DPP10: variants seen among roughly 807,000 people sequenced by gnomAD.
DPP10 encodes the protein inactive dipeptidyl peptidase 10.
DPP10 carries 33 observed loss-of-function variants against 120.9 expected under a neutral mutation model. The observed-to-expected ratio is 0.27, with a 90% CI of 0.21 to 0.37. The LOEUF (loss-of-function observed/expected upper bound fraction) is 0.37. DPP10 is among the 10% of genes least tolerant of loss of function. The pLI, the probability that DPP10 is intolerant of heterozygous loss-of-function variation, is 1.00. For synonymous variants in DPP10, 337 were observed against 326.1 expected, an observed-to-expected ratio of 1.03 and a Z score of -0.36; for missense variants, 816 against 942.8, an observed-to-expected ratio of 0.87 and a Z score of 1.76.
At chr2:115,356,008 CT>C (rs2064358454) in intron 3 of DPP10, among the ~76,000 whole-genome samples, 1 of 152,032 alleles carries the variant, frequency 6.6e-6, no homozygotes, top group Non-Finnish European at 1.5e-5. Context: ...CAGCTTTGTT[CT>C]TTTTGTTTAG....
intron 1 of DPP10, among the ~76,000 whole-genome samples, chr2:115,268,308 A>G (rs551399079): frequency 6.6e-6 from 1 of 152,300 alleles, no homozygotes; most frequent in East Asian, 1.9e-4. Flanking sequence ...AGGCTAATTT[A>G]CTTTCCAAGG....
intron 3 of DPP10, among the ~76,000 whole-genome samples, chr2:115,491,452 G>T (rs1360038084): frequency 6.6e-6 from 1 of 152,120 alleles, no homozygotes; most frequent in Non-Finnish European, 1.5e-5. Context: ...TACAGACTGT[G>T]AGTATATATT....
At chr2:115,710,416 A>G (rs772071212) in intron 7 of DPP10, among the ~76,000 whole-genome samples, 5 of 152,122 alleles carry the variant, frequency 3.3e-5, no homozygotes, top group African/African-American at 1.2e-4. Flanking sequence ...TAACATTTCT[A>G]TGTTTTACAT....
At chr2:115,383,470 C>T (rs1198458519) in intron 3 of DPP10, among the ~76,000 whole-genome samples, 1 of 152,198 alleles carries the variant, frequency 6.6e-6, no homozygotes, top group East Asian at 1.9e-4. Context: ...ATGCCTTTAT[C>T]AGCAGCATGA....
intron 1 of DPP10, among the ~76,000 whole-genome samples, chr2:114,775,885 A>C (rs1408176855): frequency 1.3e-5 from 2 of 152,154 alleles, no homozygotes; most frequent in East Asian, 3.9e-4. Flanking sequence ...CCTACGTCTC[A>C]AGGAACTATC....
chr2:114,713,937 A>G (rs2105877282), intron 1 of DPP10, among the ~76,000 whole-genome samples: 1 of 151,818 alleles, frequency 6.6e-6, no homozygotes, highest in Middle Eastern at 3.4e-3. Context: ...GTGAGCCGAG[A>G]TCGCACCATT....
intron 1 of DPP10, among the ~76,000 whole-genome samples, chr2:115,027,737 G>T (rs978647056): frequency 1.3e-5 from 2 of 152,008 alleles, no homozygotes; most frequent in Admixed American, 6.6e-5. Flanking sequence ...AGAACATCAG[G>T]TCCTAGGCTC....
chr2:115,347,577 C>T (rs1364367535), intron 3 of DPP10, among the ~76,000 whole-genome samples: 3 of 152,044 alleles, frequency 2.0e-5, no homozygotes, highest in Non-Finnish European at 4.4e-5. Flanking sequence ...TGGTTTGCTG[C>T]ACCCATCGTC....
chr2:115,817,679 GTT>G (rs74265875), intron 21 of DPP10, among the ~76,000 whole-genome samples: 4 of 148,524 alleles, frequency 2.7e-5, no homozygotes, highest in Admixed American at 2.0e-4. Flanking sequence ...TTAGTTTTTT[GTT>G]TTTTTTTTTA....
At chr2:114,578,413 G>C (rs1690231370) in intron 1 of DPP10, among the ~76,000 whole-genome samples, 1 of 151,762 alleles carries the variant, frequency 6.6e-6, no homozygotes, top group South Asian at 2.1e-4. Flanking sequence ...ACATTTTTAT[G>C]GTCCATTTCT....
chr2:114,549,729 A>G (rs545901619), intron 1 of DPP10, among the ~76,000 whole-genome samples: 128 of 151,854 alleles, frequency 8.4e-4, no homozygotes, highest in South Asian at 8.3e-3. Context: ...GGGTACAAAC[A>G]GGAAGAGAGA....
intron 5 of DPP10, among the ~76,000 whole-genome samples, chr2:115,548,797 A>G (rs2079680074): frequency 6.6e-6 from 1 of 152,160 alleles, no homozygotes; most frequent in Non-Finnish European, 1.5e-5. Context: ...ATTCGCCTCC[A>G]TCTCAAATAC....
At chr2:115,308,504 T>C (rs2061447876) in intron 1 of DPP10, among the ~76,000 whole-genome samples, 2 of 152,170 alleles carry the variant, frequency 1.3e-5, no homozygotes, top group South Asian at 4.1e-4. Flanking sequence ...CCCACACATA[T>C]CTAGTCAACA....
At chr2:115,137,316 A>C (rs1005455971) in intron 1 of DPP10, among the ~76,000 whole-genome samples, 1 of 152,220 alleles carries the variant, frequency 6.6e-6, no homozygotes, top group African/African-American at 2.4e-5. Flanking sequence ...TTGCTCTAGC[A>C]CATCCATCTG....
At chr2:115,582,489 T>A (rs759440900) in intron 5 of DPP10, among the ~76,000 whole-genome samples, 2 of 152,138 alleles carry the variant, frequency 1.3e-5, no homozygotes, top group Non-Finnish European at 2.9e-5. Flanking sequence ...CAATTATTAT[T>A]TTAGAGCAAG....
intron 1 of DPP10, among the ~76,000 whole-genome samples, chr2:114,823,058 C>G (rs1056149435): frequency 3.3e-5 from 5 of 152,166 alleles, no homozygotes; most frequent in Admixed American, 3.3e-4. Context: ...TTTCAGGTAT[C>G]TTTACAGCAG....
At chr2:115,117,253 G>T (rs2104714832) in intron 1 of DPP10, among the ~76,000 whole-genome samples, 1 of 152,206 alleles carries the variant, frequency 6.6e-6, no homozygotes, top group Middle Eastern at 3.4e-3. Flanking sequence ...ATGATATGTG[G>T]TTTTATCATT....
chr2:115,682,605 T>C (rs1321211829), intron 5 of DPP10, among the ~76,000 whole-genome samples: 1 of 151,840 alleles, frequency 6.6e-6, no homozygotes, highest in Non-Finnish European at 1.5e-5. Flanking sequence ...TTTGGGGTAA[T>C]AAAGTATAAT....
chr2:115,367,217 T>A (rs2065132350), intron 3 of DPP10, among the ~76,000 whole-genome samples: 2 of 151,528 alleles, frequency 1.3e-5, no homozygotes, highest in Non-Finnish European at 1.5e-5. Context: ...TGGCATAGAG[T>A]TTTTTTTATT....
Sources: gnomAD v4.1 joint callset for allele counts (sites outside exome capture counted in the v4.1 genomes callset) on GRCh38, gnomAD v4.1.1 for gene constraint, MANE v1.5 for transcripts, NCBI Gene and HGNC (gene_info 2026-07-23, HGNC 2026-07-21) for gene names.